ZFAND6: variants seen among roughly 807,000 people sequenced by gnomAD.
ZFAND6 encodes AN1-type zinc finger protein 6.
A neutral mutation model predicts 24.5 loss-of-function variants in ZFAND6; 12 were observed. The ratio of observed to expected loss-of-function variants is 0.49; its 90% CI spans 0.31 to 0.79. ZFAND6 has a LOEUF of 0.79. ZFAND6 is among the 30% of genes least tolerant of loss of function. ZFAND6 has a pLI of 0.04. For missense variants in ZFAND6, 207 were observed against 245.9 expected, an observed-to-expected ratio of 0.84 and a Z score of 1.06; for synonymous variants, 92 against 81.5, an observed-to-expected ratio of 1.13 and a Z score of -0.69.
At chr15:80,102,405 G>A (rs550924845) in intron 2 of ZFAND6, among the ~76,000 whole-genome samples, 30 of 152,226 alleles carry the variant, frequency 2.0e-4, no homozygotes, top group African/African-American at 6.5e-4. Flanking sequence ...GTGAGCCCCC[G>A]CGCCCAGCCT....
At position 80,081,261 on chromosome 15, in the gene ZFAND6, A is replaced by G. The variant is rs575218034; in HGVS notation, c.-180-17155A>G. On this transcript the variant is annotated intron_variant, in intron 1 of 6. Coordinates refer to ENST00000261749, the MANE Select transcript of ZFAND6 (RefSeq NM_019006.4). The stretch of plus-strand genomic sequence containing the variant: ...TTGTGTGCATACAGCCTAGTCAGAT[A>G]GTCAGACTAGTTACACAGTCAGATG... Among the ~76,000 whole-genome samples, 23 of 152,346 alleles carry G rather than the reference A, an allele frequency of 1.5e-4. No homozygotes were observed. The South Asian group carries it at 3.9e-3, about 26-fold the overall frequency.
At chr15:80,095,220 A>G (rs895862857) in intron 1 of ZFAND6, among the ~76,000 whole-genome samples, 1 of 152,204 alleles carries the variant, frequency 6.6e-6, no homozygotes, top group East Asian at 1.9e-4. Context: ...AGAGAGTGAC[A>G]GACCATTTAT....
At chr15:80,122,448 G>A (rs1488985192) in intron 4 of ZFAND6, among the ~76,000 whole-genome samples, 1 of 151,966 alleles carries the variant, frequency 6.6e-6, no homozygotes, top group Non-Finnish European at 1.5e-5. Context: ...TTTTCATTTA[G>A]TGAATTCATG....
chr15:80,116,052 CT>C (rs904816030), intron 2 of ZFAND6, among the ~76,000 whole-genome samples: 6 of 147,968 alleles, frequency 4.1e-5, no homozygotes, highest in Non-Finnish European at 6.0e-5. Flanking sequence ...GTTCCTCAGT[CT>C]TTTTTCTCTA....
chr15:80,116,265 T>C (rs1234978267), intron 2 of ZFAND6, among the ~76,000 whole-genome samples: 1 of 152,208 alleles, frequency 6.6e-6, no homozygotes, highest in East Asian at 1.9e-4. Context: ...AGGGGCAAAC[T>C]GTCTATACTG....
At chr15:80,071,528 AC>A (rs1451853986) in intron 1 of ZFAND6, among the ~76,000 whole-genome samples, 1 of 152,124 alleles carries the variant, frequency 6.6e-6, no homozygotes, top group African/African-American at 2.4e-5. Flanking sequence ...AAATATATAA[AC>A]TTATCACGTA....
intron 2 of ZFAND6, chr15:80,112,948 A>G: frequency 2.3e-6 from 1 of 441,844 alleles, no homozygotes; most frequent in Non-Finnish European, 4.5e-6. Context: ...TACAATTGCA[A>G]AGAGAATTCA....
At chr15:80,087,441 A>C (rs1046073456) in intron 1 of ZFAND6, among the ~76,000 whole-genome samples, 1 of 152,198 alleles carries the variant, frequency 6.6e-6, no homozygotes, top group Non-Finnish European at 1.5e-5. Flanking sequence ...TTAATATCCT[A>C]CTTTTCTGAC....
intron 1 of ZFAND6, among the ~76,000 whole-genome samples, chr15:80,068,630 C>A (rs1466767727): frequency 6.6e-6 from 1 of 152,196 alleles, no homozygotes; most frequent in Non-Finnish European, 1.5e-5. Flanking sequence ...CTGTGGCCTC[C>A]CAAAGTGCTG....
At chr15:80,071,860 A>G (rs2036997787) in intron 1 of ZFAND6, among the ~76,000 whole-genome samples, 1 of 152,116 alleles carries the variant, frequency 6.6e-6, no homozygotes, top group Admixed American at 6.6e-5. Context: ...GTTAAGCATT[A>G]ACCTTGGCAA....
At chr15:80,060,655 A>C (rs958281075) in intron 1 of ZFAND6, 2 of 152,160 alleles carry the variant, frequency 1.3e-5, no homozygotes, top group Admixed American at 1.3e-4. Flanking sequence ...ACGCGCGGTG[A>C]CTCAACGCCT....
At chr15:80,125,276 C>T (rs1039089624) in intron 5 of ZFAND6, among the ~76,000 whole-genome samples, 1 of 152,122 alleles carries the variant, frequency 6.6e-6, no homozygotes, top group African/African-American at 2.4e-5. Flanking sequence ...AGGATCAACT[C>T]GTTTAGCAAA....
chr15:80,069,876 G>A (rs1368216121), intron 1 of ZFAND6, among the ~76,000 whole-genome samples: 2 of 152,030 alleles, frequency 1.3e-5, no homozygotes, highest in Non-Finnish European at 2.9e-5. Flanking sequence ...GAAAGTGCTG[G>A]GATTTACAGG....
intron 1 of ZFAND6, chr15:80,060,073 G>T (rs1206263407): frequency 1.3e-5 from 2 of 151,638 alleles, no homozygotes; most frequent in Admixed American, 1.3e-4. Flanking sequence ...GCCCGCGGCC[G>T]GGGGCCGCTT....
At chr15:80,071,262 T>C (rs1019688751) in intron 1 of ZFAND6, among the ~76,000 whole-genome samples, 16 of 152,346 alleles carry the variant, frequency 1.1e-4, no homozygotes, top group African/African-American at 3.8e-4. Flanking sequence ...CTTTGAAAAC[T>C]TCAAATTAAA....
chr15:80,120,222 TTTGATATATGTGGGC>T, intron 2 of ZFAND6, 91 bp from the exon 3 acceptor site: 1 of 925,064 alleles, frequency 1.1e-6, no homozygotes, highest in Non-Finnish European at 1.5e-6. Flanking sequence ...TGTAGAATAG[TTTGATATATGTGGGC>T]TTTTTTCTTT....
At chr15:80,097,188 C>T (rs1174517138) in intron 1 of ZFAND6, among the ~76,000 whole-genome samples, 1 of 151,504 alleles carries the variant, frequency 6.6e-6, no homozygotes, top group Non-Finnish European at 1.5e-5. Context: ...TTTGTAGAGA[C>T]GGGGTTTCAC....
intron 1 of ZFAND6, chr15:80,073,224 GCTTT>G (rs1035322203): frequency 1.3e-5 from 3 of 232,734 alleles, no homozygotes; most frequent in African/African-American, 7.0e-5. Flanking sequence ...AAGTGAAACT[GCTTT>G]CTTCTTACTT....
At chr15:80,082,551 T>G (rs2037738693) in intron 1 of ZFAND6, among the ~76,000 whole-genome samples, 1 of 152,192 alleles carries the variant, frequency 6.6e-6, no homozygotes, top group African/African-American at 2.4e-5. Context: ...CCAGTTGTTG[T>G]TTTTGAAGTT....
Sources: gnomAD v4.1 joint callset for allele counts (sites outside exome capture counted in the v4.1 genomes callset) on GRCh38, gnomAD v4.1.1 for gene constraint, MANE v1.5 for transcripts, NCBI Gene and HGNC (gene_info 2026-07-23, HGNC 2026-07-21) for gene names.